MDGA1: variants seen among roughly 807,000 people sequenced by gnomAD.
MDGA1 encodes MAM domain containing glycosylphosphatidylinositol anchor 1.
In MDGA1, 54 loss-of-function variants were observed where a neutral mutation model predicts 101.5. That is an observed-to-expected ratio of 0.53 (90% confidence interval 0.43 to 0.67). MDGA1 has a LOEUF of 0.67. MDGA1 is among the 30% of genes least tolerant of loss of function. MDGA1 has a pLI of 0.00. For synonymous variants in MDGA1, 533 were observed against 558.3 expected, an observed-to-expected ratio of 0.95 and a Z score of 0.64; for missense variants, 1,083 against 1,323.8, an observed-to-expected ratio of 0.82 and a Z score of 2.82.
At chr6:37,640,729 C>T (rs60066809) in intron 14 of MDGA1, among the ~76,000 whole-genome samples, 2,052 of 152,034 alleles carry the variant, frequency 0.013, 23 homozygotes, top group Non-Finnish European at 0.021. Flanking sequence ...GGGGAGGGGA[C>T]GGTGAAAAAG....
intron 1 of MDGA1, among the ~76,000 whole-genome samples, chr6:37,695,419 GC>G (rs1762396066): frequency 6.6e-6 from 1 of 152,218 alleles, no homozygotes; most frequent in African/African-American, 2.4e-5. Context: ...TCTGTGAGGG[GC>G]CAGGCAGTAA....
At chr6:37,686,301 A>T (rs1762195503) in intron 1 of MDGA1, among the ~76,000 whole-genome samples, 1 of 151,932 alleles carries the variant, frequency 6.6e-6, no homozygotes, top group Admixed American at 6.6e-5. Flanking sequence ...CCTTGAGGCA[A>T]AATGTCAAAA....
intron 8 of MDGA1, chr6:37,649,726 G>T (rs889870694): frequency 4.4e-6 from 2 of 453,044 alleles, no homozygotes; most frequent in South Asian, 2.0e-5. Flanking sequence ...GCTGTGGGGG[G>T]TTCAATGAGT....
chr6:37,646,247 G>A lies in MDGA1; in HGVS notation c.2175C>T (p.Thr725=). The A allele has an allele frequency of 6.2e-7, 1 of 1,603,430 alleles. No individual in the cohort carries two copies. The highest frequency in any genetic ancestry group is 8.5e-7 in the Non-Finnish European group (1 of 1,173,720). Residue 725 remains threonine, a synonymous_variant, in exon 11 of 17, where the codon ACC becomes ACT. Coordinates refer to ENST00000434837, the MANE Select transcript of MDGA1 (RefSeq NM_153487.4). ...HSYEVRLTPY[T]TFGAGDMASR... is the part of the protein sequence containing the mutation. ...AGGCCATGTCACCAGCCCCGAAGGTGGTATAGGGTGTGAGGCGGACCTCAT... is the reference window on the plus strand; with the variant it reads ...AGGCCATGTCACCAGCCCCGAAGGTAGTATAGGGTGTGAGGCGGACCTCAT...
chr6:37,641,073 A>G (rs1764063754), intron 14 of MDGA1, among the ~76,000 whole-genome samples: 1 of 151,986 alleles, frequency 6.6e-6, no homozygotes, highest in African/African-American at 2.4e-5. Flanking sequence ...TTGCTATCCT[A>G]GTTCCTCTTC....
chr6:37,667,917 G>C (rs1468328307), intron 1 of MDGA1, among the ~76,000 whole-genome samples: 1 of 152,188 alleles, frequency 6.6e-6, no homozygotes, highest in Non-Finnish European at 1.5e-5. Flanking sequence ...CCCCACTGGA[G>C]ATGGGGCCAT....
intron 1 of MDGA1, among the ~76,000 whole-genome samples, chr6:37,688,078 G>T (rs751694232): frequency 2.6e-5 from 4 of 152,112 alleles, no homozygotes; most frequent in Admixed American, 2.0e-4. Flanking sequence ...AAGACTCCAG[G>T]GTTCAGATGA....
intron 1 of MDGA1, among the ~76,000 whole-genome samples, chr6:37,665,383 T>TAA (rs1186809657): frequency 6.6e-6 from 1 of 152,086 alleles, no homozygotes; most frequent in East Asian, 1.9e-4. Context: ...ATAGAAATCA[T>TAA]AAGAGTGATG....
intron 1 of MDGA1, among the ~76,000 whole-genome samples, chr6:37,690,962 C>T (rs1464281045): frequency 6.6e-6 from 1 of 152,086 alleles, no homozygotes; most frequent in Admixed American, 6.6e-5. Context: ...TTTGTCAAGG[C>T]CAGTTCAAAT....
intron 1 of MDGA1, among the ~76,000 whole-genome samples, chr6:37,690,772 CAAAA>C (rs11388608): frequency 7.8e-6 from 1 of 128,196 alleles, no homozygotes; most frequent in Admixed American, 7.8e-5. Flanking sequence ...GACTCCACCT[CAAAA>C]AAAAAAAAAA....
intron 1 of MDGA1, among the ~76,000 whole-genome samples, chr6:37,686,088 G>A (rs1393409196): frequency 6.6e-6 from 1 of 152,132 alleles, no homozygotes. Flanking sequence ...ATGGGAATGT[G>A]CCCATCTAAA....
At chr6:37,650,043 G>A (rs912907577) in intron 8 of MDGA1, 66 bp downstream of exon 8, 33 of 1,597,634 alleles carry the variant, frequency 2.1e-5, no homozygotes, top group Non-Finnish European at 2.8e-5. Flanking sequence ...GGATGAAGAG[G>A]GGACAGGCCG....
Position 37,634,425 on chromosome 6 carries a change from T to C in MDGA1, c.*2943A>G, listed in dbSNP as rs766272059. On this transcript the variant is annotated 3_prime_UTR_variant, in exon 17 of 17. Transcript: ENST00000434837. This position sits in a 1 kb window ranked among gnomAD's most constrained non-coding sequence, Gnocchi z 4.7. ...CACCATGGCGCACAAAGACACAGCA[T>C]GAGCAACACTGATACAGAGATGCTG... The C allele has an allele frequency of 2.6e-4, 40 of 153,128 alleles. No homozygotes were observed. Among genetic ancestry groups the C allele is most frequent in the Non-Finnish European group, 5.0e-4 (34 of 68,292 alleles). 9.5% of individuals were successfully genotyped at this position (153,128 alleles called of 1,614,324 possible). A position where few individuals can be genotyped will look rare whatever the true frequency, so the allele number is the denominator to read the frequency against.
chr6:37,655,739 C>G lies in MDGA1; in HGVS notation c.540G>C (p.Gln180His), dbSNP rs1761468483. Residue 180 changes from glutamine to histidine, a missense_variant, in exon 4 of 17, where the codon CAG becomes CAC. Gln to His is a conservative substitution (Grantham distance 24). This residue lies in a region of MDGA1 where 310 missense variants were observed against 355.9 expected (regional missense o/e 0.87). Coordinates refer to ENST00000434837, the MANE Select transcript of MDGA1 (RefSeq NM_153487.4). This position sits in a 1 kb window ranked among gnomAD's most constrained non-coding sequence, Gnocchi z 5.1. ...KRGSDTLSHS[Q>H]DNGVDIYEPL... ...GCTCATAGATGTCAACCCCATTGTCCTGGCTGTGGGATAGGGTATCGGAAC... is the reference window on the plus strand; with the variant it reads ...GCTCATAGATGTCAACCCCATTGTCGTGGCTGTGGGATAGGGTATCGGAAC... 1 of 1,612,934 alleles carries G rather than the reference C, an allele frequency of 6.2e-7. No homozygotes were observed. Among genetic ancestry groups the G allele is most frequent in the African/African-American group, 1.3e-5 (1 of 74,918 alleles).
At position 37,644,632 on chromosome 6, in the gene MDGA1, C is replaced by G. The variant is rs143644874; in HGVS notation, c.2266G>C (p.Glu756Gln). 539 of 1,591,706 alleles carry G rather than the reference C, an allele frequency of 3.4e-4. No homozygotes were observed. The African/African-American group carries it at 5.9e-3, about 17-fold the overall frequency. ...GTATAGCCACAGATCTTCTCATCCT[C>G]AAAGTGGCAGGTGTTGTCTGCATTT... ...PNLSDNTCHF[E>Q]DEKICGYTQD... Residue 756 changes from glutamate to glutamine, a missense_variant, in exon 13 of 17, where the codon GAG becomes CAG. By Grantham distance (29) the Glu-to-Gln change is conservative. This residue lies in a region of MDGA1 where 657 missense variants were observed against 771.4 expected (regional missense o/e 0.85). Coordinates refer to ENST00000434837, the MANE Select transcript of MDGA1 (RefSeq NM_153487.4).
chr6:37,640,170 C>T (rs1359756949), intron 14 of MDGA1, among the ~76,000 whole-genome samples: 5 of 152,146 alleles, frequency 3.3e-5, no homozygotes, highest in Non-Finnish European at 5.9e-5. Flanking sequence ...GTGTTTTTGA[C>T]AGCCCTTGAG....
chr6:37,661,736 C>T (rs771695613), intron 2 of MDGA1, among the ~76,000 whole-genome samples: 8 of 152,040 alleles, frequency 5.3e-5, no homozygotes, highest in Non-Finnish European at 8.8e-5. Context: ...AGAAGGTCTT[C>T]GATTCCATCC....
At chr6:37,679,983 C>T (rs762195697) in intron 1 of MDGA1, among the ~76,000 whole-genome samples, 21 of 152,142 alleles carry the variant, frequency 1.4e-4, no homozygotes, top group Non-Finnish European at 1.9e-4. Flanking sequence ...GGTTATTCAT[C>T]GACTTCATTA....
At chr6:37,687,400 T>TAA (rs549945070) in intron 1 of MDGA1, among the ~76,000 whole-genome samples, 13,591 of 128,740 alleles carry the variant, frequency 0.11, 802 homozygotes, top group South Asian at 0.19. Flanking sequence ...TACTAAAAAT[T>TAA]AAAAAAAAAA....
Sources: allele counts gnomAD v4.1 joint callset (sites outside exome capture counted in the v4.1 genomes callset), GRCh38; gene constraint gnomAD v4.1.1; regional missense constraint gnomAD v4.1.1; non-coding constraint Gnocchi (gnomAD v3.1); transcripts MANE v1.5; gene names NCBI Gene and HGNC (gene_info 2026-07-23, HGNC 2026-07-21).